Variants in CALU observed in about 807,000 individuals in gnomAD.
CALU encodes IEF SSP 9302.
Under a neutral mutation model 37.5 loss-of-function variants are expected in CALU, and 13 were observed. The observed-to-expected ratio is 0.35, with a 90% CI of 0.23 to 0.55. The LOEUF (loss-of-function observed/expected upper bound fraction) is 0.55. Ranked by LOEUF, CALU falls within the 20% of genes least tolerant of loss-of-function variation. The probability of loss-of-function intolerance (pLI) is 0.89; values close to 1 mark genes in which losing one functional copy is unlikely to be tolerated. For synonymous variants in CALU, 114 were observed against 133.8 expected, an observed-to-expected ratio of 0.85 and a Z score of 1.02; for missense variants, 282 against 391.7, an observed-to-expected ratio of 0.72 and a Z score of 2.36.
intron 5 of CALU, among the ~76,000 whole-genome samples, chr7:128,765,306 G>A (rs1347185058): frequency 6.6e-6 from 1 of 151,984 alleles, no homozygotes; most frequent in Non-Finnish European, 1.5e-5. Flanking sequence ...TTGCAGCCTC[G>A]ATCTGCTAGG....
intron 2 of CALU, among the ~76,000 whole-genome samples, chr7:128,749,668 T>C (rs1421011448): frequency 6.6e-6 from 1 of 152,182 alleles, no homozygotes; most frequent in Non-Finnish European, 1.5e-5. Context: ...CATAAGACGT[T>C]GTAGGATTTG....
Position 128,748,702 on chromosome 7 carries a change from A to G in CALU, c.119A>G (p.Asn40Ser), listed in dbSNP as rs138128344. The G allele has an allele frequency of 2.4e-5, 39 of 1,614,106 alleles. No individual in the cohort carries two copies. Among genetic ancestry groups the G allele is most frequent in the Non-Finnish European group, 3.1e-5 (36 of 1,180,032 alleles). ...CCTCAGCTCAGTGACAAGGTTCACA[A>G]TGATGCTCAGAGTTTTGATTATGAC... ...HEPQLSDKVHNDAQSFDYDHD... is the reference protein window; with the variant it reads ...HEPQLSDKVHSDAQSFDYDHD... Residue 40 changes from asparagine to serine, a missense_variant, in exon 2 of 7, where the codon AAT becomes AGT. Coordinates refer to ENST00000249364, the MANE Select transcript of CALU (RefSeq NM_001219.5).
intron 1 of CALU, among the ~76,000 whole-genome samples, chr7:128,739,657 G>T (rs1178798916): frequency 6.6e-6 from 1 of 152,140 alleles, no homozygotes; most frequent in Non-Finnish European, 1.5e-5. Flanking sequence ...TGGGAAGGGG[G>T]CTGGTCCGGT....
intron 5 of CALU, among the ~76,000 whole-genome samples, chr7:128,765,704 A>G (rs1406191164): frequency 2.6e-5 from 4 of 152,238 alleles, no homozygotes; most frequent in East Asian, 1.9e-4. Flanking sequence ...TTATGTTTAT[A>G]TATTTTTAAA....
At chr7:128,742,623 C>T (rs1371445143) in intron 1 of CALU, among the ~76,000 whole-genome samples, 1 of 152,184 alleles carries the variant, frequency 6.6e-6, no homozygotes, top group Non-Finnish European at 1.5e-5. Flanking sequence ...ACACTATGGA[C>T]ACTAAGGACA....
intron 1 of CALU, among the ~76,000 whole-genome samples, chr7:128,744,722 G>A (rs527392689): frequency 6.6e-6 from 1 of 152,258 alleles, no homozygotes; most frequent in African/African-American, 2.4e-5. Flanking sequence ...AAAGGGAGGA[G>A]CAAGCATGAA....
chr7:128,766,255 C>T (rs1801324829), intron 5 of CALU, among the ~76,000 whole-genome samples: 2 of 152,192 alleles, frequency 1.3e-5, no homozygotes, highest in South Asian at 2.1e-4. Flanking sequence ...AGCCACTGCA[C>T]CCAGCCCAAA....
intron 3 of CALU, among the ~76,000 whole-genome samples, chr7:128,758,487 A>G (rs1184453499): frequency 6.6e-6 from 1 of 152,222 alleles, no homozygotes; most frequent in Non-Finnish European, 1.5e-5. Context: ...TTACAGATAA[A>G]AGAGACCAAG....
At chr7:128,747,287 T>G (rs756155976) in intron 1 of CALU, among the ~76,000 whole-genome samples, 26 of 152,138 alleles carry the variant, frequency 1.7e-4, no homozygotes, top group Non-Finnish European at 3.5e-4. Context: ...AGGAATAGAG[T>G]AATAAGTACC....
Position 128,763,383 on chromosome 7 carries a change from G to A in CALU, c.643+3531G>A, listed in dbSNP as rs190362646. 2.8e-4 allele frequency among the ~76,000 whole-genome samples: 42 copies of A among 152,078 alleles called. No individual in the cohort carries two copies. The East Asian group carries it at 7.4e-3, about 27-fold the overall frequency. On this transcript the variant is annotated intron_variant, in intron 5 of 6. Transcript: ENST00000249364. ...GTCTCTACTAAAAATATAAAAATTA[G>A]CCAGGTGTGGTGGCATGTGCCTGTG...
Position 128,772,235 on chromosome 7 carries a change from T to G in CALU, c.*3068T>G, listed in dbSNP as rs1348700092. Among the ~76,000 whole-genome samples, 2 of 152,134 alleles carry G rather than the reference T, an allele frequency of 1.3e-5. No individual in the cohort carries two copies. The highest frequency in any genetic ancestry group is 2.9e-5 in the Non-Finnish European group (2 of 68,018). ...CATACACTGAAAACTTAAAGCATAT[T>G]CCTTTTTGGTTGCCTTGTATGTAGA... On this transcript the variant is annotated 3_prime_UTR_variant, in exon 7 of 7. Coordinates refer to ENST00000249364, the MANE Select transcript of CALU (RefSeq NM_001219.5).
At chr7:128,764,033 TTAAA>T (rs1801226692) in intron 5 of CALU, among the ~76,000 whole-genome samples, 1 of 152,262 alleles carries the variant, frequency 6.6e-6, no homozygotes, top group Non-Finnish European at 1.5e-5. Context: ...ACTTGTTCAC[TTAAA>T]TAACTCCTGA....
chr7:128,763,947 T>G (rs1316948909), intron 5 of CALU, among the ~76,000 whole-genome samples: 1 of 152,196 alleles, frequency 6.6e-6, no homozygotes, highest in African/African-American at 2.4e-5. Flanking sequence ...TAGATTTCTC[T>G]TTAGGTGTTT....
intron 3 of CALU, chr7:128,754,741 G>T: frequency 6.6e-7 from 1 of 1,514,984 alleles, no homozygotes; most frequent in Non-Finnish European, 8.9e-7. Context: ...CAAGATGTCA[G>T]CCTGGCAGGG....
At chr7:128,743,026 A>G (rs1800297749) in intron 1 of CALU, among the ~76,000 whole-genome samples, 1 of 152,226 alleles carries the variant, frequency 6.6e-6, no homozygotes, top group South Asian at 2.1e-4. Flanking sequence ...TTAATCTAAT[A>G]CATATAAAAT....
chr7:128,746,168 A>G (rs1316274257), intron 1 of CALU, among the ~76,000 whole-genome samples: 2 of 137,202 alleles, frequency 1.5e-5, no homozygotes, highest in African/African-American at 5.5e-5. Context: ...TTTTTTTTTT[A>G]CATTCTTTTT....
At position 128,748,561 on chromosome 7, in the gene CALU, A is replaced by G; in HGVS notation, c.-11-12A>G. Reference sequence around the variant, plus strand: ...CTGCCTCCTGAATTAACTGCTTTTCATTTTCTTCAAGATCTAATTATCATG... The same window carrying G: ...CTGCCTCCTGAATTAACTGCTTTTCGTTTTCTTCAAGATCTAATTATCATG... On this transcript the variant is annotated splice_polypyrimidine_tract_variant and intron_variant, in intron 1 of 6. Coordinates refer to ENST00000249364, the MANE Select transcript of CALU (RefSeq NM_001219.5). 1.9e-6 allele frequency: 3 copies of G among 1,595,714 alleles called. No homozygotes were observed. The highest frequency in any genetic ancestry group is 2.6e-6 in the Non-Finnish European group (3 of 1,166,968).
At chr7:128,769,031 C>A in intron 6 of CALU, 32 bp from the exon 7 acceptor site, 2 of 1,214,910 alleles carry the variant, frequency 1.6e-6, no homozygotes, top group South Asian at 2.5e-5. Context: ...GAAATATGTT[C>A]TTCTTCAATT....
chr7:128,761,700 A>T (rs1490914410), intron 5 of CALU: 2 of 152,262 alleles, frequency 1.3e-5, no homozygotes, highest in African/African-American at 2.4e-5. Flanking sequence ...AATATTTCAC[A>T]TACTTATTGT....
Sources: gnomAD v4.1 joint callset for allele counts (sites outside exome capture counted in the v4.1 genomes callset) on GRCh38, gnomAD v4.1.1 for gene constraint, MANE v1.5 for transcripts, NCBI Gene and HGNC (gene_info 2026-07-23, HGNC 2026-07-21) for gene names.